LINGO2: variants seen among roughly 807,000 people sequenced by gnomAD.
LINGO2 encodes the protein leucine-rich repeat and immunoglobulin-like domain-containing nogo receptor-interacting protein 2.
Under a neutral mutation model 30.6 loss-of-function variants are expected in LINGO2, and 14 were observed. That is an observed-to-expected ratio of 0.46 (90% CI 0.30 to 0.72). The LOEUF is 0.72. LINGO2 is among the 30% of genes least tolerant of loss of function. LINGO2 has a pLI of 0.07. For missense variants in LINGO2, 729 were observed against 751.7 expected (o/e 0.97, Z 0.35); for synonymous variants, 317 against 288.5 (o/e 1.10, Z -1.00).
the LINGO2 span, among the ~76,000 whole-genome samples, chr9:28,719,294 C>G: frequency 6.6e-6 from 1 of 152,004 alleles, no homozygotes; most frequent in Non-Finnish European, 1.5e-5. Flanking sequence ...CTCCCTACAT[C>G]TTCTCTAAAT....
chr9:28,174,865 G>T (rs1475218618), intron 4 of LINGO2, among the ~76,000 whole-genome samples: 2 of 151,166 alleles, frequency 1.3e-5, no homozygotes, highest in Non-Finnish European at 2.9e-5. Context: ...ATTTCTTAGA[G>T]ATGGGGGAGA....
chr9:28,996,209 T>C, the LINGO2 span, among the ~76,000 whole-genome samples: 2 of 152,106 alleles, frequency 1.3e-5, no homozygotes, highest in African/African-American at 4.8e-5. Context: ...GTAATTTCTA[T>C]TGTGTTAAGT....
chr9:27,961,461 ACT>A (rs1369676191), intron 5 of LINGO2, among the ~76,000 whole-genome samples: 1 of 152,104 alleles, frequency 6.6e-6, no homozygotes, highest in Non-Finnish European at 1.5e-5. Flanking sequence ...AGTAAGAAAC[ACT>A]CTGCAATTGG....
In LINGO2 at chr9:28,639,336, G is replaced by C. The variant is rs528469767; in HGVS notation, c.-365+30864C>G. 9.4e-3 allele frequency among the ~76,000 whole-genome samples: 1,426 copies of C among 152,118 alleles called. 20 individuals are homozygous for C. The highest frequency in any genetic ancestry group is 0.033 in the African/African-American group (1,362 of 41,498). ...AGAGTTCTGTAGATGTCTATTAGGT[G>C]CGCTTGGTGTAGAGCTGAGTTCAAT... On this transcript the variant is annotated intron_variant, in intron 1 of 5. Transcript: ENST00000379992.
At chr9:28,472,496 T>C (rs942504380) in intron 2 of LINGO2, among the ~76,000 whole-genome samples, 2 of 152,142 alleles carry the variant, frequency 1.3e-5, no homozygotes, top group Non-Finnish European at 2.9e-5. Flanking sequence ...AAGATAATCT[T>C]TGTCTAAGTT....
intron 4 of LINGO2, among the ~76,000 whole-genome samples, chr9:28,189,129 G>A (rs909301712): frequency 3.9e-5 from 6 of 151,930 alleles, no homozygotes; most frequent in African/African-American, 1.5e-4. Flanking sequence ...CAAAGTTCCT[G>A]AGGTTAGCTT....
In LINGO2 at chr9:28,632,948, G is replaced by T. The variant is rs974429719; in HGVS notation, c.-365+37252C>A. 3.4e-4 allele frequency among the ~76,000 whole-genome samples: 49 copies of T among 142,556 alleles called. 1 individual carries two copies. Among genetic ancestry groups the T allele is most frequent in the African/African-American group, 1.2e-3 (47 of 37,842 alleles). 93.5% of individuals were successfully genotyped at this position (142,556 alleles called of 152,430 possible). A position where few individuals can be genotyped will look rare whatever the true frequency, so the allele number is the denominator to read the frequency against. ...AGGTATTAACTTATATGCTCACAAG[G>T]TCCCAAAATAGGTTGTCTGCAAGCT... is the stretch of plus-strand genomic sequence containing the variant. On this transcript the variant is annotated intron_variant, in intron 1 of 5. Coordinates refer to ENST00000379992, the Ensembl canonical transcript of LINGO2.
chr9:28,211,033 T>A (rs1820572440), intron 4 of LINGO2, among the ~76,000 whole-genome samples: 1 of 151,524 alleles, frequency 6.6e-6, no homozygotes, highest in African/African-American at 2.4e-5. Flanking sequence ...GTAAGTTGAT[T>A]GAGAAAATGC....
At chr9:28,287,304 T>G (rs143706742) in intron 4 of LINGO2, among the ~76,000 whole-genome samples, 1 of 152,280 alleles carries the variant, frequency 6.6e-6, no homozygotes, top group African/African-American at 2.4e-5. Context: ...ATGCTCTGAG[T>G]TAGGAGATTC....
chr9:28,316,626 G>A (rs1045667222), intron 3 of LINGO2, among the ~76,000 whole-genome samples: 3 of 152,100 alleles, frequency 2.0e-5, no homozygotes, highest in East Asian at 1.9e-4. Flanking sequence ...AGTCCCCAGA[G>A]AGGAACCGGC....
At chr9:28,804,008 A>G in the LINGO2 span, among the ~76,000 whole-genome samples, 11 of 152,238 alleles carry the variant, frequency 7.2e-5, no homozygotes, top group Admixed American at 1.3e-4. Context: ...ATTTATCTCT[A>G]AAACAGGCAT....
At chr9:28,215,473 T>C (rs755462863) in intron 4 of LINGO2, among the ~76,000 whole-genome samples, 1 of 151,854 alleles carries the variant, frequency 6.6e-6, no homozygotes, top group Non-Finnish European at 1.5e-5. Flanking sequence ...CACATGGGAA[T>C]TAGAACCTTT....
At chr9:29,169,239 C>T in the LINGO2 span, among the ~76,000 whole-genome samples, 3 of 152,090 alleles carry the variant, frequency 2.0e-5, no homozygotes, top group South Asian at 6.2e-4. Context: ...TGAGCCACCA[C>T]ACCCGGCCCC....
chr9:27,984,193 C>T (rs1052158072), intron 5 of LINGO2, among the ~76,000 whole-genome samples: 1 of 151,780 alleles, frequency 6.6e-6, no homozygotes, highest in African/African-American at 2.4e-5. Context: ...TCTTGGTTGC[C>T]TGGGTTGTAG....
Position 28,508,587 on chromosome 9 carries a change from C to T in LINGO2, c.-364-32562G>A, listed in dbSNP as rs72713561. Among the ~76,000 whole-genome samples the T allele has an allele frequency of 5.4e-3, 825 of 152,082 alleles. 6 individuals are homozygous for T. Among genetic ancestry groups the T allele is most frequent in the Non-Finnish European group, 8.1e-3 (548 of 67,974 alleles). On this transcript the variant is annotated intron_variant, in intron 1 of 5. Coordinates refer to ENST00000379992, the Ensembl canonical transcript of LINGO2. ...TTTTTCACTTATATTTATCTAACTACTGGAATTAGTCTTTTGTTAACCCCC... is the reference window on the plus strand; with the variant it reads ...TTTTTCACTTATATTTATCTAACTATTGGAATTAGTCTTTTGTTAACCCCC...
chr9:28,274,727 T>G (rs1823056463), intron 4 of LINGO2, among the ~76,000 whole-genome samples: 1 of 152,182 alleles, frequency 6.6e-6, no homozygotes, highest in South Asian at 2.1e-4. Flanking sequence ...TGCTTTTTCC[T>G]AAATGACTCC....
the LINGO2 span, among the ~76,000 whole-genome samples, chr9:28,722,810 T>C: frequency 6.6e-6 from 1 of 152,152 alleles, no homozygotes; most frequent in African/African-American, 2.4e-5. Flanking sequence ...AGGACTTTGC[T>C]GTTTGCCAGC....
intron 1 of LINGO2, among the ~76,000 whole-genome samples, chr9:28,546,709 G>C (rs1477851009): frequency 6.6e-6 from 1 of 152,020 alleles, no homozygotes. Flanking sequence ...GGAGAAAAGG[G>C]AGCAGGAGAA....
At chr9:28,470,636 T>C (rs1825482237) in intron 2 of LINGO2, among the ~76,000 whole-genome samples, 1 of 152,140 alleles carries the variant, frequency 6.6e-6, no homozygotes, top group African/African-American at 2.4e-5. Flanking sequence ...GAATGGGGTA[T>C]GCAATCATTC....
Sources: allele counts gnomAD v4.1 joint callset (sites outside exome capture counted in the v4.1 genomes callset), GRCh38; gene constraint gnomAD v4.1.1; transcripts MANE v1.5; gene names NCBI Gene and HGNC (gene_info 2026-07-23, HGNC 2026-07-21).